The following MACROD2 variants were observed in gnomAD, a reference collection of about 807,000 sequenced individuals.
MACROD2 encodes the protein mono-ADP ribosylhydrolase 2, also known as ADP-ribose glycohydrolase MACROD2.
MACROD2 carries 36 observed loss-of-function variants against 70.4 expected under a neutral mutation model. The ratio of observed to expected loss-of-function variants is 0.51; its 90% CI spans 0.39 to 0.68. The LOEUF is 0.68. Among genes scored for constraint, MACROD2 ranks in the 30% least tolerant of loss-of-function variants. The pLI is 0.00. For missense variants in MACROD2, 496 were observed against 538.4 expected (o/e 0.92, Z 0.78); for synonymous variants, 172 against 178.8 (o/e 0.96, Z 0.30).
intron 3 of MACROD2, among the ~76,000 whole-genome samples, chr20:14,419,085 G>A (rs1039233509): frequency 2.6e-5 from 4 of 151,322 alleles, no homozygotes; most frequent in African/African-American, 7.3e-5. Context: ...ATGGAGTTTC[G>A]CTCTTGTTGC....
intron 3 of MACROD2, among the ~76,000 whole-genome samples, chr20:14,482,711 TAG>T (rs1271436888): frequency 5.9e-5 from 9 of 152,298 alleles, no homozygotes; most frequent in African/African-American, 2.2e-4. Context: ...TTATTGTAAG[TAG>T]AACTGGCACT....
At chr20:15,238,349 A>G (rs1292763557) in intron 6 of MACROD2, among the ~76,000 whole-genome samples, 4 of 152,140 alleles carry the variant, frequency 2.6e-5, no homozygotes, top group South Asian at 2.1e-4. Flanking sequence ...TAGAAAAACA[A>G]TATCACGTGT....
At chr20:15,233,983 T>TTA (rs1312226727) in intron 6 of MACROD2, among the ~76,000 whole-genome samples, 3,305 of 43,536 alleles carry the variant, frequency 0.076, 187 homozygotes, top group East Asian at 0.27. Context: ...ATATATTTAT[T>TTA]TATATATATA....
intron 4 of MACROD2, among the ~76,000 whole-genome samples, chr20:14,562,310 T>G (rs1979488208): frequency 6.6e-6 from 1 of 151,892 alleles, no homozygotes; most frequent in Non-Finnish European, 1.5e-5. Flanking sequence ...AATATGTAAG[T>G]AGAGTCAAAT....
intron 5 of MACROD2, among the ~76,000 whole-genome samples, chr20:15,218,914 C>T (rs974499485): frequency 2.6e-5 from 4 of 152,092 alleles, no homozygotes; most frequent in Admixed American, 6.5e-5. Context: ...GGCGTGGCGG[C>T]GTGTGCCTGT....
intron 6 of MACROD2, among the ~76,000 whole-genome samples, chr20:15,269,764 C>T (rs909270514): frequency 2.6e-5 from 4 of 152,136 alleles, no homozygotes; most frequent in African/African-American, 7.2e-5. Context: ...ATTTTCTGTG[C>T]ACCTGCCTTC....
At chr20:14,421,217 G>C (rs763216574) in intron 3 of MACROD2, among the ~76,000 whole-genome samples, 1 of 152,154 alleles carries the variant, frequency 6.6e-6, no homozygotes, top group African/African-American at 2.4e-5. Context: ...GGGCAATACT[G>C]GTCCCATAAA....
intron 5 of MACROD2, among the ~76,000 whole-genome samples, chr20:14,908,714 G>A (rs774442344): frequency 1.3e-5 from 2 of 152,042 alleles, no homozygotes; most frequent in African/African-American, 4.8e-5. Context: ...GGAATGTGGA[G>A]AATCTATTAG....
At chr20:15,651,507 C>T (rs959637263) in intron 8 of MACROD2, among the ~76,000 whole-genome samples, 5 of 152,130 alleles carry the variant, frequency 3.3e-5, no homozygotes, top group East Asian at 1.9e-4. Context: ...TCATTAAATT[C>T]GGCTTTGTGG....
intron 2 of MACROD2, among the ~76,000 whole-genome samples, chr20:14,083,129 A>G (rs1325629033): frequency 1.3e-5 from 2 of 151,760 alleles, no homozygotes; most frequent in Admixed American, 6.6e-5. Context: ...TGTAAAAAAA[A>G]AAAAAAAAAA....
intron 8 of MACROD2, among the ~76,000 whole-genome samples, chr20:15,646,728 C>T (rs977830882): frequency 6.6e-6 from 1 of 152,112 alleles, no homozygotes; most frequent in African/African-American, 2.4e-5. Flanking sequence ...GGCTCTTCTC[C>T]CTTCGATTGG....
At chr20:14,723,378 G>A (rs1238487502) in intron 5 of MACROD2, among the ~76,000 whole-genome samples, 1 of 151,984 alleles carries the variant, frequency 6.6e-6, no homozygotes, top group African/African-American at 2.4e-5. Flanking sequence ...ATTGACTAAC[G>A]TGTCTTTGTG....
intron 6 of MACROD2, among the ~76,000 whole-genome samples, chr20:15,315,950 ACT>A (rs1413919577): frequency 1.3e-5 from 2 of 152,090 alleles, no homozygotes; most frequent in African/African-American, 2.4e-5. Context: ...GCATTTGGAC[ACT>A]CTTTTTATCT....
intron 5 of MACROD2, among the ~76,000 whole-genome samples, chr20:15,227,437 G>GT (rs1196874529): frequency 6.7e-6 from 1 of 150,072 alleles, no homozygotes; most frequent in African/African-American, 2.5e-5. Context: ...TTTGCTCAAT[G>GT]TTTTTTATTA....
chr20:15,455,519 C>A (rs537634784), intron 7 of MACROD2, among the ~76,000 whole-genome samples: 5 of 152,218 alleles, frequency 3.3e-5, no homozygotes, highest in African/African-American at 1.2e-4. Flanking sequence ...TGTACATACC[C>A]TTGGGGTACT....
chr20:15,408,619 G>A (rs893177759), intron 6 of MACROD2, among the ~76,000 whole-genome samples: 17 of 152,170 alleles, frequency 1.1e-4, no homozygotes, highest in Non-Finnish European at 2.2e-4. Context: ...CAGCCGCTGA[G>A]ATCAGTGGAA....
At chr20:15,520,017 C>T (rs1233773) in intron 8 of MACROD2, among the ~76,000 whole-genome samples, 17,405 of 152,036 alleles carry the variant, frequency 0.11, 3,257 homozygotes, top group African/African-American at 0.39. Context: ...TTAGGGGAAG[C>T]GGCGAGAATA....
At chr20:15,656,454 T>C (rs2049732085) in intron 8 of MACROD2, among the ~76,000 whole-genome samples, 1 of 152,358 alleles carries the variant, frequency 6.6e-6, no homozygotes, top group East Asian at 1.9e-4. Context: ...CTGTATCTTA[T>C]TACTAACCTT....
At chr20:14,074,910 A>G (rs760625338) in intron 2 of MACROD2, among the ~76,000 whole-genome samples, 1 of 152,014 alleles carries the variant, frequency 6.6e-6, no homozygotes, top group Non-Finnish European at 1.5e-5. Flanking sequence ...TGTGCTATCT[A>G]CTCCATCCTT....
Sources: gnomAD v4.1 joint callset for allele counts (sites outside exome capture counted in the v4.1 genomes callset) on GRCh38, gnomAD v4.1.1 for gene constraint, MANE v1.5 for transcripts, NCBI Gene and HGNC (gene_info 2026-07-23, HGNC 2026-07-21) for gene names.